The following GRM7 variants were observed in gnomAD, a reference collection of about 807,000 sequenced individuals.
The protein encoded by GRM7 is glutamate metabotropic receptor 7.
GRM7 carries 35 observed loss-of-function variants against 84.5 expected under a neutral mutation model. The ratio of observed to expected loss-of-function variants is 0.41; its 90% CI spans 0.32 to 0.55. The LOEUF (loss-of-function observed/expected upper bound fraction) is 0.55. Among genes scored for constraint, GRM7 ranks in the 20% least tolerant of loss-of-function variants. The pLI, the probability that GRM7 is intolerant of heterozygous loss-of-function variation, is 0.19. For synonymous variants in GRM7, 487 were observed against 455.1 expected (o/e 1.07, Z -0.89); for missense variants, 1,003 against 1,194.6 (o/e 0.84, Z 2.36).
At chr3:6,911,694 ACTT>A (rs1462527188) in intron 1 of GRM7, among the ~76,000 whole-genome samples, 1 of 151,998 alleles carries the variant, frequency 6.6e-6, no homozygotes, top group Non-Finnish European at 1.5e-5. Context: ...GCTAATGAAA[ACTT>A]CTACTTTAGC....
Position 6,861,707 on chromosome 3 carries a change from G to A in GRM7, c.319G>A (p.Asp107Asn), listed in dbSNP as rs374074319. The A allele has an allele frequency of 4.3e-6, 7 of 1,614,078 alleles. No individual in the cohort carries two copies. Among genetic ancestry groups the A allele is most frequent in the Non-Finnish European group, 8.5e-7 (1 of 1,180,048 alleles). ...CGTGACGCTGGGCGCGCGGATCCTG[G>A]ACACTTGTTCCAGGGACACTTACGC... ...PNVTLGARIL[D>N]TCSRDTYALE... The change falls in exon 1 of 10, where the codon GAC becomes AAC. Residue 107 changes from aspartate (D) to asparagine (N), a missense_variant. Coordinates refer to ENST00000357716, the MANE Select transcript of GRM7 (RefSeq NM_000844.4). The surrounding 1 kb of genome is among the most constrained non-coding windows in gnomAD (Gnocchi z 6.4).
At chr3:7,531,198 G>A (rs1259370170) in intron 7 of GRM7, among the ~76,000 whole-genome samples, 2 of 152,154 alleles carry the variant, frequency 1.3e-5, no homozygotes, top group Non-Finnish European at 2.9e-5. Flanking sequence ...TTATTAAACA[G>A]GGAATCTTCC....
intron 4 of GRM7, among the ~76,000 whole-genome samples, chr3:7,359,092 A>ACTCAGTCCACGCCTTG (rs1693542995): frequency 7.2e-6 from 1 of 139,794 alleles, no homozygotes; most frequent in Non-Finnish European, 1.5e-5. Context: ...AGCCTGAGTG[A>ACTCAGTCCACGCCTTG]TAGAGTGAGA....
Position 7,452,705 on chromosome 3 carries a change from A to G in GRM7, c.1273A>G (p.Met425Val). The G allele has an allele frequency of 2.5e-6, 4 of 1,613,234 alleles. No homozygotes were observed. The highest frequency in any genetic ancestry group is 3.4e-6 in the Non-Finnish European group (4 of 1,179,368). ...TGCTATGGCTCACGCCCTTCACCAC[A>G]TGAACAAGGATCTCTGTGCTGACTA... Reference protein sequence around the residue: ...VYAMAHALHHMNKDLCADYRG... With the variant: ...VYAMAHALHHVNKDLCADYRG... The change falls in exon 6 of 10, where the codon ATG becomes GTG. Residue 425 changes from methionine (M) to valine (V), a missense_variant. Met to Val is a conservative substitution (Grantham distance 21, BLOSUM62 1). Coordinates refer to ENST00000357716, the MANE Select transcript of GRM7 (RefSeq NM_000844.4).
At chr3:7,317,050 C>T (rs9868827) in intron 4 of GRM7, among the ~76,000 whole-genome samples, 15,501 of 152,072 alleles carry the variant, frequency 0.1, 2,153 homozygotes, top group African/African-American at 0.31. Context: ...TAGAGTGGAG[C>T]GATTTCATCA....
chr3:7,195,549 G>A (rs1203385567), intron 2 of GRM7, among the ~76,000 whole-genome samples: 2 of 152,022 alleles, frequency 1.3e-5, no homozygotes, highest in Non-Finnish European at 2.9e-5. Flanking sequence ...ATATGTAGTT[G>A]GTATGCTGGG....
At chr3:7,444,172 C>G (rs544757441) in intron 5 of GRM7, among the ~76,000 whole-genome samples, 2 of 152,154 alleles carry the variant, frequency 1.3e-5, no homozygotes, top group African/African-American at 4.8e-5. Context: ...AAAGTTCAAC[C>G]TGAATACAAC....
intron 1 of GRM7, among the ~76,000 whole-genome samples, chr3:7,014,373 C>T (rs1349936212): frequency 6.6e-6 from 1 of 151,930 alleles, no homozygotes; most frequent in Non-Finnish European, 1.5e-5. Context: ...CAGAGTTTTA[C>T]TCTGTCACCC....
intron 1 of GRM7, among the ~76,000 whole-genome samples, chr3:7,057,179 G>A (rs1697256266): frequency 6.6e-6 from 1 of 151,904 alleles, no homozygotes; most frequent in Admixed American, 6.6e-5. Flanking sequence ...GATTGTAATG[G>A]TTTTCAATTA....
intron 1 of GRM7, among the ~76,000 whole-genome samples, chr3:7,062,860 T>C (rs1162442115): frequency 6.6e-6 from 1 of 151,756 alleles, no homozygotes; most frequent in East Asian, 1.9e-4. Context: ...TGCCTGTTCA[T>C]AGTAGAATAG....
At chr3:7,560,833 T>G (rs772138517) in intron 7 of GRM7, among the ~76,000 whole-genome samples, 6 of 152,166 alleles carry the variant, frequency 3.9e-5, no homozygotes, top group Non-Finnish European at 7.4e-5. Flanking sequence ...ATTTCCTGTT[T>G]AACACTTATT....
intron 1 of GRM7, among the ~76,000 whole-genome samples, chr3:7,031,244 A>G (rs1390872817): frequency 3.3e-5 from 5 of 152,068 alleles, no homozygotes. Flanking sequence ...CAATCAAAAT[A>G]CTAAGTCTCT....
intron 7 of GRM7, among the ~76,000 whole-genome samples, chr3:7,525,616 A>G (rs549555732): frequency 2.5e-4 from 38 of 152,152 alleles, no homozygotes; most frequent in Non-Finnish European, 5.0e-4. Context: ...GGTATACTGA[A>G]TGATGCTGAG....
chr3:7,545,379 C>T (rs544584436), intron 7 of GRM7, among the ~76,000 whole-genome samples: 6 of 152,268 alleles, frequency 3.9e-5, no homozygotes, highest in East Asian at 3.9e-4. Context: ...CATCCTTGAT[C>T]GGAACAATTC....
At chr3:7,610,657 G>A (rs553849701) in intron 8 of GRM7, among the ~76,000 whole-genome samples, 1 of 152,154 alleles carries the variant, frequency 6.6e-6, no homozygotes, top group African/African-American at 2.4e-5. Flanking sequence ...TAGGTATGAG[G>A]TATATCCAAA....
intron 9 of GRM7, among the ~76,000 whole-genome samples, chr3:7,732,534 AG>A (rs1449344094): frequency 2.0e-5 from 3 of 152,216 alleles, no homozygotes; most frequent in Non-Finnish European, 4.4e-5. Context: ...AAACCAGTTA[AG>A]GAAAAAAGGC....
At chr3:7,249,999 C>T (rs770144745) in intron 2 of GRM7, among the ~76,000 whole-genome samples, 2 of 152,162 alleles carry the variant, frequency 1.3e-5, no homozygotes, top group African/African-American at 4.8e-5. Flanking sequence ...ACATGGGCAT[C>T]CTTATGCTCC....
At chr3:7,692,856 G>A (rs575089174) in intron 9 of GRM7, among the ~76,000 whole-genome samples, 1 of 152,000 alleles carries the variant, frequency 6.6e-6, no homozygotes, top group African/African-American at 2.4e-5. Flanking sequence ...TCTTCTTCTC[G>A]TAAGTTGATT....
intron 4 of GRM7, among the ~76,000 whole-genome samples, chr3:7,392,939 C>T (rs2125145023): frequency 6.6e-6 from 1 of 152,212 alleles, no homozygotes; most frequent in East Asian, 1.9e-4. Context: ...GGGTCCTTGG[C>T]TGGGCAGCGG....
Sources: allele counts gnomAD v4.1 joint callset (sites outside exome capture counted in the v4.1 genomes callset), GRCh38; gene constraint gnomAD v4.1.1; non-coding constraint Gnocchi (gnomAD v3.1); transcripts MANE v1.5; gene names NCBI Gene and HGNC (gene_info 2026-07-23, HGNC 2026-07-21).